Variants in POLG2 observed in about 807,000 individuals in gnomAD.
POLG2 encodes the protein DNA polymerase subunit gamma-2.
In POLG2, 50 loss-of-function variants were observed where a neutral mutation model predicts 56.5. The ratio of observed to expected loss-of-function variants is 0.88; its 90% confidence interval spans 0.71 to 1.12. The LOEUF (loss-of-function observed/expected upper bound fraction) is 1.12. POLG2 is among the 50% of genes most tolerant of loss of function. The probability of loss-of-function intolerance (pLI) is 0.00; values close to 1 mark genes in which losing one functional copy is unlikely to be tolerated. For missense variants in POLG2, 584 were observed against 583.3 expected (o/e 1.00, Z -0.01); for synonymous variants, 226 against 222.6 (o/e 1.02, Z -0.14).
Position 64,490,918 on chromosome 17 carries a change from CT to C in POLG2, c.846del (p.Gly283AlafsTer17). ...NFSSSDCQDE[E>X]GRKGNKLYYN... ...TAGTAAAGTTTGTTTCCTTTCCGGCCTTCTTCATCCTGACAGTCACTGCTGC... is the reference window on the plus strand; with the variant it reads ...TAGTAAAGTTTGTTTCCTTTCCGGCCTCTTCATCCTGACAGTCACTGCTGC... On this transcript the variant is annotated frameshift_variant, in exon 4 of 8. Transcript: ENST00000539111. LOFTEE classifies it high-confidence loss of function. 6.2e-7 allele frequency: 1 copy of C among 1,613,954 alleles called. No individual in the cohort carries two copies. The highest frequency in any genetic ancestry group is 8.5e-7 in the Non-Finnish European group (1 of 1,179,872).
chr17:64,477,796 G>A lies in POLG2; in HGVS notation c.*27C>T, dbSNP rs782238036. ...ATAAGACAACCAAATTAGGAGAGAAGAATATTTATTATACAAATATAAAAA... is the reference window on the plus strand; with the variant it reads ...ATAAGACAACCAAATTAGGAGAGAAAAATATTTATTATACAAATATAAAAA... On this transcript the variant is annotated 3_prime_UTR_variant, in exon 8 of 8. Transcript: ENST00000539111. The A allele has an allele frequency of 2.6e-6, 4 of 1,536,298 alleles. No homozygotes were observed. The African/African-American group carries it at 4.2e-5, about 16-fold the overall frequency.
chr17:64,482,222 G>C (rs995399105), intron 6 of POLG2, among the ~76,000 whole-genome samples: 1 of 148,272 alleles, frequency 6.7e-6, no homozygotes, highest in East Asian at 2.0e-4. Flanking sequence ...TTGTGCCTTA[G>C]CCTCCTGAAT....
intron 3 of POLG2, 83 bp from the exon 4 acceptor site, chr17:64,491,052 T>G: frequency 9.3e-7 from 1 of 1,077,960 alleles, no homozygotes; most frequent in East Asian, 2.4e-5. Flanking sequence ...AGAATTTAAA[T>G]TGTCCGATAC....
intron 4 of POLG2, chr17:64,487,212 C>CT (rs2037972153): frequency 6.6e-6 from 1 of 152,170 alleles, no homozygotes; most frequent in Admixed American, 6.5e-5. Flanking sequence ...GCATATGATA[C>CT]TTTAAAGATT....
At chr17:64,494,069 CCAGTT>C (rs1167266247) in intron 1 of POLG2, among the ~76,000 whole-genome samples, 2 of 152,148 alleles carry the variant, frequency 1.3e-5, no homozygotes, top group Admixed American at 6.5e-5. Flanking sequence ...TGTTCTCTTT[CCAGTT>C]AAGATTCATG....
chr17:64,481,215 G>A, intron 6 of POLG2: 1 of 913,422 alleles, frequency 1.1e-6, no homozygotes, highest in Non-Finnish European at 1.3e-6. Context: ...GAGCTTCCTA[G>A]CTTATAAGGG....
intron 6 of POLG2, among the ~76,000 whole-genome samples, chr17:64,481,915 G>T (rs945103674): frequency 2.0e-5 from 3 of 151,618 alleles, no homozygotes; most frequent in Non-Finnish European, 2.9e-5. Flanking sequence ...AAAGGGGAAA[G>T]AAATAATTCA....
At position 64,480,294 on chromosome 17, in the gene POLG2, A is replaced by T; in HGVS notation, c.1287T>A (p.Tyr429Ter). ...AATGAAAATACAATTCTTACTTCGA[A>T]TAAAGTTGTTCCAATGAGGACTGCA... ...ETMQSSLEQL[Y>*]SKYDEMSILF... is the part of the protein sequence containing the mutation. Residue 429 changes from tyrosine (Y) to a stop codon, truncating the protein, a stop_gained, in exon 7 of 8, where the codon TAT becomes TAA. Coordinates refer to ENST00000539111, the MANE Select transcript of POLG2 (RefSeq NM_007215.4). LOFTEE classifies it high-confidence loss of function. The T allele has an allele frequency of 1.3e-6, 2 of 1,501,656 alleles. No homozygotes were observed. The highest frequency in any genetic ancestry group is 1.8e-6 in the Non-Finnish European group (2 of 1,082,722). The allele number at this position is 1,501,656 out of a possible 1,614,324, so 93.0% of individuals were successfully genotyped here.
chr17:64,478,831 A>G (rs1057375481), intron 7 of POLG2, among the ~76,000 whole-genome samples: 1 of 152,110 alleles, frequency 6.6e-6, no homozygotes, highest in Non-Finnish European at 1.5e-5. Flanking sequence ...CGGGAGGCAG[A>G]GGTTGCACTA....
At chr17:64,495,193 AGGAACC>A (rs1230745082) in intron 1 of POLG2, among the ~76,000 whole-genome samples, 4 of 150,688 alleles carry the variant, frequency 2.7e-5, no homozygotes, top group South Asian at 2.1e-4. Flanking sequence ...AAAAAAAAAA[AGGAACC>A]AGGATCTGGG....
At position 64,485,752 on chromosome 17, in the gene POLG2, T is replaced by C; in HGVS notation, c.1086A>G (p.Thr362=). ...CCTTTCTATGAAGATTTTTCTTTCT[T>C]GTAAAGGAGTTCTCTGTCAGCTGGA... is the stretch of plus-strand genomic sequence containing the variant. ...DSFQLTENSF[T]RKKNLHRKVL... Residue 362 remains threonine, a synonymous_variant, in exon 5 of 8, where the codon ACA becomes ACG. Transcript: ENST00000539111. The C allele has an allele frequency of 3.1e-6, 5 of 1,613,386 alleles. No homozygotes were observed. The highest frequency in any genetic ancestry group is 1.3e-5 in the African/African-American group (1 of 75,054).
At chr17:64,488,127 G>T (rs1379311772) in intron 4 of POLG2, among the ~76,000 whole-genome samples, 1 of 152,108 alleles carries the variant, frequency 6.6e-6, no homozygotes, top group Non-Finnish European at 1.5e-5. Flanking sequence ...ACTTTGGGAG[G>T]CTAAGGCAGG....
chr17:64,494,445 T>C (rs2038116122), intron 1 of POLG2, among the ~76,000 whole-genome samples: 3 of 152,164 alleles, frequency 2.0e-5, no homozygotes, highest in African/African-American at 4.8e-5. Flanking sequence ...TATTTTAGAA[T>C]CCATTGATGA....
intron 7 of POLG2, 48 bp downstream of exon 7, chr17:64,480,241 C>G (rs782089160): frequency 1.3e-6 from 1 of 746,460 alleles, no homozygotes; most frequent in Non-Finnish European, 2.2e-6. Flanking sequence ...TAAACATAAT[C>G]AAAAACTCTT....
At chr17:64,484,893 T>C (rs1555667155) in intron 5 of POLG2, among the ~76,000 whole-genome samples, 1 of 152,190 alleles carries the variant, frequency 6.6e-6, no homozygotes, top group Non-Finnish European at 1.5e-5. Context: ...AACTTTTGAT[T>C]TGGGGCAGCT....
At chr17:64,482,478 C>G (rs183957088) in intron 6 of POLG2, among the ~76,000 whole-genome samples, 1 of 152,050 alleles carries the variant, frequency 6.6e-6, no homozygotes, top group Non-Finnish European at 1.5e-5. Flanking sequence ...CGTGCCACCA[C>G]GCCCAGCTAA....
chr17:64,496,315 A>G, intron 1 of POLG2, 92 bp downstream of exon 1: 1 of 785,362 alleles, frequency 1.3e-6, no homozygotes, highest in Non-Finnish European at 2.1e-6. Flanking sequence ...TTGCATGGGA[A>G]TACAGGGCCA....
chr17:64,484,070 G>T (rs1265293721), intron 5 of POLG2: 1 of 152,172 alleles, frequency 6.6e-6, no homozygotes, highest in Non-Finnish European at 1.5e-5. Context: ...CTGATACCAG[G>T]AACAGTTCCA....
rs2038162689 is a variant in POLG2, at chr17:64,496,892, T to A, written c.77A>T (p.Asp26Val). The change falls in exon 1 of 8, where the codon GAT (aspartate) becomes GTT (valine). Residue 26 changes from aspartate to valine, a missense_variant. Asp to Val is a radical substitution (Grantham distance 152). Coordinates refer to ENST00000539111, the MANE Select transcript of POLG2 (RefSeq NM_007215.4). ...CGTCAACAGCTCCGGCTGCCCCGCA[T>A]CTACTCGACCCCCAAACCCAGACAA... Reference protein sequence around the residue: ...CLLSGFGGRVDAGQPELLTER... With the variant: ...CLLSGFGGRVVAGQPELLTER... 6.2e-7 allele frequency: 1 copy of A among 1,613,138 alleles called. No individual in the cohort carries two copies. Among genetic ancestry groups the A allele is most frequent in the African/African-American group, 1.3e-5 (1 of 74,902 alleles).
Sources: gnomAD v4.1 joint callset for allele counts (sites outside exome capture counted in the v4.1 genomes callset) on GRCh38, gnomAD v4.1.1 for gene constraint, MANE v1.5 for transcripts, NCBI Gene and HGNC (gene_info 2026-07-23, HGNC 2026-07-21) for gene names.